LRPPRC: variants seen among roughly 807,000 people sequenced by gnomAD.
The protein encoded by LRPPRC is leucine rich pentatricopeptide repeat containing, also known as leucine-rich PPR motif-containing protein, mitochondrial.
A neutral mutation model predicts 180.3 loss-of-function variants in LRPPRC; 120 were observed. The observed-to-expected ratio is 0.67, with a 90% CI of 0.57 to 0.77. The LOEUF (loss-of-function observed/expected upper bound fraction) is 0.77, where lower values mean the gene tolerates loss of function less well. Among genes scored for constraint, LRPPRC ranks in the 30% least tolerant of loss-of-function variants. The pLI is 0.00. For missense variants in LRPPRC, 2,012 were observed against 1,657.2 expected (o/e 1.21, Z -3.72); for synonymous variants, 723 against 600.0 (o/e 1.21, Z -3.00).
intron 3 of LRPPRC, among the ~76,000 whole-genome samples, 173 bp downstream of exon 3, chr2:43,979,653 G>A (rs1674216247): frequency 6.6e-6 from 1 of 151,874 alleles, no homozygotes; most frequent in Non-Finnish European, 1.5e-5. Flanking sequence ...ATTATTTATT[G>A]TTAATGACCC....
chr2:43,988,256 G>C (rs1026636704), intron 1 of LRPPRC, among the ~76,000 whole-genome samples: 3 of 123,574 alleles, frequency 2.4e-5, no homozygotes, highest in Non-Finnish European at 5.0e-5. Context: ...AAAAAAAAAA[G>C]CTGGACACAG....
chr2:43,972,483 G>A (rs1234866807), intron 11 of LRPPRC, among the ~76,000 whole-genome samples: 1 of 152,180 alleles, frequency 6.6e-6, no homozygotes, highest in Non-Finnish European at 1.5e-5. Flanking sequence ...TCATACTTGT[G>A]TAAAGGTGGA....
chr2:43,957,468 C>T lies in LRPPRC; in HGVS notation c.1583-17G>A, dbSNP rs1410002648. ...TTGATTTCACTGCAAAAGAAAATGACCATCATTAAATCTCAGACCAAACAA... is the reference window on the plus strand; with the variant it reads ...TTGATTTCACTGCAAAAGAAAATGATCATCATTAAATCTCAGACCAAACAA... On this transcript the variant is annotated splice_polypyrimidine_tract_variant and intron_variant, in intron 13 of 37. Coordinates refer to ENST00000260665, the MANE Select transcript of LRPPRC (RefSeq NM_133259.4). 1 of 1,596,750 alleles carries T rather than the reference C, an allele frequency of 6.3e-7. No homozygotes were observed. The highest frequency in any genetic ancestry group is 1.3e-5 in the African/African-American group (1 of 74,632).
intron 1 of LRPPRC, among the ~76,000 whole-genome samples, chr2:43,995,299 G>C (rs1432454816): frequency 6.6e-6 from 1 of 152,158 alleles, no homozygotes; most frequent in Non-Finnish European, 1.5e-5. Context: ...TCATAATCCA[G>C]CGTCCAGCTT....
At chr2:43,947,085 C>G (rs1193775156) in intron 20 of LRPPRC, among the ~76,000 whole-genome samples, 172 bp downstream of exon 20, 1 of 152,082 alleles carries the variant, frequency 6.6e-6, no homozygotes. Flanking sequence ...AACCAGAAAA[C>G]ATGCCATTCA....
chr2:43,932,604 G>T (rs534594337), intron 25 of LRPPRC, among the ~76,000 whole-genome samples: 32 of 152,182 alleles, frequency 2.1e-4, no homozygotes, highest in African/African-American at 7.5e-4. Context: ...ACCTTATGCT[G>T]AACATCATAT....
In LRPPRC at chr2:43,977,271, C is replaced by T. The variant is rs1553411854; in HGVS notation, c.475G>A (p.Val159Met). 1 of 1,598,690 alleles carries T rather than the reference C, an allele frequency of 6.3e-7. No individual in the cohort carries two copies. Among genetic ancestry groups the T allele is most frequent in the Non-Finnish European group, 8.6e-7 (1 of 1,166,576 alleles). Reference sequence around the variant, plus strand: ...GCATTATAGTGACTCACATCATACACAGCACCTACAAATGAAATTTAAAAT... The same window carrying T: ...GCATTATAGTGACTCACATCATACATAGCACCTACAAATGAAATTTAAAAT... ...IWDTLQKLGAVYDVSHYNALL... is the reference protein window; with the variant it reads ...IWDTLQKLGAMYDVSHYNALL... The change falls in exon 4 of 38, where the codon GTG becomes ATG. Residue 159 changes from valine to methionine, a missense_variant. Transcript: ENST00000260665.
intron 27 of LRPPRC, among the ~76,000 whole-genome samples, chr2:43,919,625 C>T (rs965793346): frequency 1.3e-5 from 2 of 152,054 alleles, no homozygotes; most frequent in East Asian, 3.9e-4. Flanking sequence ...GCAAAAACTC[C>T]AGAATCAAAA....
chr2:43,976,095 T>C (rs750072948), intron 6 of LRPPRC, 48 bp downstream of exon 6: 1 of 1,078,796 alleles, frequency 9.3e-7, no homozygotes, highest in South Asian at 1.3e-5. Context: ...CACTTTAGCA[T>C]CTCAGCCATC....
At chr2:43,988,674 G>A (rs1674640343) in intron 1 of LRPPRC, among the ~76,000 whole-genome samples, 1 of 152,092 alleles carries the variant, frequency 6.6e-6, no homozygotes, top group African/African-American at 2.4e-5. Context: ...GAGTAGCTGG[G>A]ACTACAGGCA....
intron 23 of LRPPRC, 97 bp downstream of exon 23, chr2:43,943,590 T>C (rs1247686611): frequency 9.9e-7 from 1 of 1,007,630 alleles, no homozygotes; most frequent in African/African-American, 1.6e-5. Flanking sequence ...CCTCCAAGGC[T>C]TCCCCATCAT....
intron 16 of LRPPRC, 23 bp from the exon 17 acceptor site, chr2:43,948,541 G>T: frequency 1.7e-6 from 2 of 1,155,186 alleles, no homozygotes; most frequent in East Asian, 2.3e-5. Context: ...ACAAGAGAAA[G>T]CATTCCACTA....
At position 43,887,717 on chromosome 2, in the gene LRPPRC, C is replaced by A. The variant is rs1034158026; in HGVS notation, c.*883G>T. The A allele has an allele frequency of 1.3e-5, 2 of 152,188 alleles. No homozygotes were observed. The highest frequency in any genetic ancestry group is 2.9e-5 in the Non-Finnish European group (2 of 68,034). 9.4% of individuals were successfully genotyped at this position (152,188 alleles called of 1,614,324 possible). A position where few individuals can be genotyped will look rare whatever the true frequency, so the allele number is the denominator to read the frequency against. On this transcript the variant is annotated 3_prime_UTR_variant, in exon 38 of 38. Coordinates refer to ENST00000260665, the MANE Select transcript of LRPPRC (RefSeq NM_133259.4). ...AGAATTTTTTTGAAGTCACTACTTACAGTGTAGATATTAACAGGCATGAGA... is the reference window on the plus strand; with the variant it reads ...AGAATTTTTTTGAAGTCACTACTTAAAGTGTAGATATTAACAGGCATGAGA...
intron 25 of LRPPRC, among the ~76,000 whole-genome samples, chr2:43,930,098 C>CA (rs1324909622): frequency 6.6e-6 from 1 of 151,926 alleles, no homozygotes; most frequent in Non-Finnish European, 1.5e-5. Flanking sequence ...GGAAGAGTAA[C>CA]AAAGACTGGG....
At chr2:43,957,592 T>C (rs929601802) in intron 13 of LRPPRC, 141 bp from the exon 14 acceptor site, 15 of 699,090 alleles carry the variant, frequency 2.1e-5, no homozygotes, top group Admixed American at 4.7e-5. Context: ...AATGTTTTCA[T>C]ACAAAATTAG....
intron 15 of LRPPRC, among the ~76,000 whole-genome samples, chr2:43,950,113 C>T (rs1672840571): frequency 6.6e-6 from 1 of 152,072 alleles, no homozygotes; most frequent in Non-Finnish European, 1.5e-5. Context: ...AAATAACTTA[C>T]ATTTTTTAGA....
chr2:43,982,348 A>C lies in LRPPRC; in HGVS notation c.236T>G (p.Ile79Ser). ...TAGAGCCCAATCAAACTGATTGGAAATCTTCCTAGAAGAAAAAGTGGACTC... is the reference window on the plus strand; with the variant it reads ...TAGAGCCCAATCAAACTGATTGGAACTCTTCCTAGAAGAAAAAGTGGACTC... ...QEESTFSSRK[I>S]SNQFDWALMR... The change falls in exon 2 of 38, where the codon ATT (isoleucine) becomes AGT (serine). Residue 79 changes from isoleucine (I) to serine (S), a missense_variant. Transcript: ENST00000260665. The C allele has an allele frequency of 6.2e-7, 1 of 1,613,786 alleles. No homozygotes were observed.
At chr2:43,943,277 T>C (rs1008608147) in intron 23 of LRPPRC, among the ~76,000 whole-genome samples, 2 of 152,072 alleles carry the variant, frequency 1.3e-5, no homozygotes, top group Non-Finnish European at 2.9e-5. Context: ...TGTAATGGTA[T>C]ATGTATTTAA....
At chr2:43,962,909 C>T (rs538129098) in intron 12 of LRPPRC, among the ~76,000 whole-genome samples, 2 of 151,968 alleles carry the variant, frequency 1.3e-5, no homozygotes, top group Non-Finnish European at 2.9e-5. Flanking sequence ...AGTTCAAGAC[C>T]AGCCTGGATA....
Sources: allele counts gnomAD v4.1 joint callset (sites outside exome capture counted in the v4.1 genomes callset), GRCh38; gene constraint gnomAD v4.1.1; transcripts MANE v1.5; gene names NCBI Gene and HGNC (gene_info 2026-07-23, HGNC 2026-07-21).